Variants in FGFR2 observed in about 807,000 individuals in gnomAD.
FGFR2 encodes the protein fibroblast growth factor receptor 2, also known as BEK fibroblast growth factor receptor.
FGFR2 carries 19 observed loss-of-function variants against 95.9 expected under a neutral mutation model. That is an observed-to-expected ratio of 0.20 (90% confidence interval 0.14 to 0.29). The LOEUF is 0.29. FGFR2 is among the 10% of genes least tolerant of loss of function. FGFR2 has a pLI of 1.00. For synonymous variants in FGFR2, 392 were observed against 393.3 expected (o/e 1.00, Z 0.04); for missense variants, 707 against 1,056.9 (o/e 0.67, Z 4.59).
rs992291430 is a variant in FGFR2, at chr10:121,478,408, T to C, written c.*1449A>G. The stretch of plus-strand genomic sequence containing the variant: ...TGTAGAAACATTTTTATTGTCAGTA[T>C]AAAAATTAACAGGTTTTATTAAATA... On this transcript the variant is annotated 3_prime_UTR_variant, in exon 18 of 18. Coordinates refer to ENST00000358487, the MANE Select transcript of FGFR2 (RefSeq NM_000141.5). 3.9e-5 allele frequency: 9 copies of C among 233,354 alleles called. No homozygotes were observed. The highest frequency in any genetic ancestry group is 3.4e-4 in the Admixed American group (6 of 17,786). 14.5% of individuals were successfully genotyped at this position (233,354 alleles called of 1,614,324 possible).
chr10:121,526,037 G>A (rs779413202), intron 6 of FGFR2: 14 of 395,466 alleles, frequency 3.5e-5, no homozygotes, highest in East Asian at 2.5e-4. Context: ...CGAATCACAC[G>A]GAGTTCCCAG....
At chr10:121,578,254 C>T (rs1451107771) in intron 2 of FGFR2, among the ~76,000 whole-genome samples, 1 of 151,998 alleles carries the variant, frequency 6.6e-6, no homozygotes, top group African/African-American at 2.4e-5. Flanking sequence ...CGCATTGAGG[C>T]TTGGTTGCTC....
chr10:121,559,324 A>G (rs913500345), intron 4 of FGFR2, among the ~76,000 whole-genome samples: 1 of 152,156 alleles, frequency 6.6e-6, no homozygotes, highest in Non-Finnish European at 1.5e-5. Context: ...GTGCTTCTGC[A>G]ATTTTCCCTA....
intron 6 of FGFR2, among the ~76,000 whole-genome samples, chr10:121,535,443 G>A (rs979550121): frequency 6.6e-6 from 1 of 152,140 alleles, no homozygotes; most frequent in Admixed American, 6.5e-5. Context: ...TTCATTCCAC[G>A]GCATAAGCCG....
intron 5 of FGFR2, among the ~76,000 whole-genome samples, chr10:121,548,966 G>A (rs1211127194): frequency 6.6e-6 from 1 of 151,984 alleles, no homozygotes; most frequent in Non-Finnish European, 1.5e-5. Context: ...ACTAAGAACA[G>A]AAGGACAAAT....
intron 6 of FGFR2, among the ~76,000 whole-genome samples, chr10:121,523,398 A>G (rs972684593): frequency 3.9e-5 from 6 of 152,160 alleles, no homozygotes; most frequent in Admixed American, 6.5e-5. Context: ...TGGACACCCC[A>G]GGGACCTGTC....
intron 17 of FGFR2, among the ~76,000 whole-genome samples, chr10:121,483,286 T>C (rs1337062342): frequency 1.3e-5 from 2 of 152,154 alleles, no homozygotes; most frequent in African/African-American, 2.4e-5. Flanking sequence ...TTGTATTCCA[T>C]CAAGCAAATG....
At chr10:121,586,070 T>A (rs770103197) in intron 2 of FGFR2, among the ~76,000 whole-genome samples, 2 of 152,230 alleles carry the variant, frequency 1.3e-5, no homozygotes, top group Non-Finnish European at 2.9e-5. Flanking sequence ...TACACACAGT[T>A]GGCCTTTTCA....
intron 9 of FGFR2, among the ~76,000 whole-genome samples, chr10:121,507,711 T>C (rs1467945327): frequency 6.6e-6 from 1 of 152,200 alleles, no homozygotes; most frequent in African/African-American, 2.4e-5. Flanking sequence ...TCAGTTAATG[T>C]CTGCTACCAA....
rs2134278781 is a variant in FGFR2, at chr10:121,518,628, G to A, written c.940-1165C>T. ...TCTCCCAAAGCACCAAGTCTTTTCA[G>A]CTTCTATATCCAGCTTTCTTTTTAA... On this transcript the variant is annotated intron_variant, in intron 7 of 17. Transcript: ENST00000358487. The surrounding 1 kb of genome is among the most constrained non-coding windows in gnomAD (Gnocchi z 4.0). 1 of 1,609,362 alleles carries A rather than the reference G, an allele frequency of 6.2e-7. No individual in the cohort carries two copies. Among genetic ancestry groups the A allele is most frequent in the Non-Finnish European group, 8.5e-7 (1 of 1,176,838 alleles).
chr10:121,548,133 C>T (rs751758395), intron 5 of FGFR2, among the ~76,000 whole-genome samples: 7 of 152,078 alleles, frequency 4.6e-5, no homozygotes, highest in Non-Finnish European at 1.0e-4. Context: ...GCGGGCCAAC[C>T]TCCCAGGCCG....
In FGFR2 at chr10:121,597,544, G is replaced by A. The variant is rs746829412; in HGVS notation, c.-151+418C>T. On this transcript the variant is annotated intron_variant, in intron 1 of 17. Coordinates refer to ENST00000358487, the MANE Select transcript of FGFR2 (RefSeq NM_000141.5). Reference sequence around the variant, plus strand: ...GTCTCCGCAGGGCCTGGATGGTACGGAAGTTCCCAGGACACACGGATGGGG... The same window carrying A: ...GTCTCCGCAGGGCCTGGATGGTACGAAAGTTCCCAGGACACACGGATGGGG... 5.9e-5 allele frequency among the ~76,000 whole-genome samples: 9 copies of A among 152,232 alleles called. No individual in the cohort carries two copies. In the South Asian group the frequency reaches 1.9e-3, roughly 31 times the overall value.
chr10:121,588,979 C>CATAA (rs1862232470), intron 2 of FGFR2, among the ~76,000 whole-genome samples: 1 of 152,034 alleles, frequency 6.6e-6, no homozygotes, highest in Non-Finnish European at 1.5e-5. Flanking sequence ...AAATAGAGAC[C>CATAA]ATAAGCATTT....
At position 121,531,754 on chromosome 10, in the gene FGFR2, C is replaced by A. The variant is rs1477527311; in HGVS notation, c.748+6838G>T. Among the ~76,000 whole-genome samples the A allele has an allele frequency of 1.3e-5, 2 of 152,268 alleles. No individual in the cohort carries two copies. The highest frequency in any genetic ancestry group is 2.1e-4 in the South Asian group (1 of 4,820). ...GCAAGGGTGGAAACAGAACTTGACA[C>A]CCCTCTCCACGTAATTTCCACCTGA... is the stretch of plus-strand genomic sequence containing the variant. On this transcript the variant is annotated intron_variant, in intron 6 of 17. Coordinates refer to ENST00000358487, the MANE Select transcript of FGFR2 (RefSeq NM_000141.5). This position sits in a 1 kb window ranked among gnomAD's most constrained non-coding sequence, Gnocchi z 4.5.
intron 16 of FGFR2, among the ~76,000 whole-genome samples, chr10:121,484,513 G>T (rs187240355): frequency 1.1e-4 from 16 of 152,244 alleles, no homozygotes; most frequent in African/African-American, 3.9e-4. Context: ...GACATCCACG[G>T]TACACCGAAA....
Position 121,577,178 on chromosome 10 carries a change from T to TATATATAGAGAGAG in FGFR2, c.110-11475_110-11474insCTCTCTCTATATAT. Among the ~76,000 whole-genome samples, 33 of 5,210 alleles carry TATATATAGAGAGAG rather than the reference T, an allele frequency of 6.3e-3. 1 individual carries two copies. Among genetic ancestry groups the TATATATAGAGAGAG allele is most frequent in the Admixed American group, 9.7e-3 (2 of 206 alleles). The allele number at this position is 5,210 out of a possible 152,430, so 3.4% of individuals were successfully genotyped here. On this transcript the variant is annotated intron_variant, in intron 2 of 17. Transcript: ENST00000358487. The stretch of plus-strand genomic sequence containing the variant: ...AAAAAAATATATATATATATATATA[T>TATATATAGAGAGAG]AGAGAGAGAGAGAGAGAGAGAGAGA...
Position 121,598,323 on chromosome 10 carries a change from G to T in FGFR2, c.-512C>A. On this transcript the variant is annotated 5_prime_UTR_variant, in exon 1 of 18. Coordinates refer to ENST00000358487, the MANE Select transcript of FGFR2 (RefSeq NM_000141.5). ...GCCCCCGCCAGCCCGGAGAGCAGTC[G>T]CCGCGCCGGGCCAGGTACGCCGCAT... 1 of 317,638 alleles carries T rather than the reference G, an allele frequency of 3.1e-6. No individual in the cohort carries two copies. Among genetic ancestry groups the T allele is most frequent in the Non-Finnish European group, 5.7e-6 (1 of 174,140 alleles). 19.7% of individuals were successfully genotyped at this position (317,638 alleles called of 1,614,324 possible).
intron 8 of FGFR2, among the ~76,000 whole-genome samples, chr10:121,515,768 A>G (rs1044211066): frequency 6.6e-5 from 10 of 151,320 alleles, no homozygotes; most frequent in Non-Finnish European, 1.3e-4. Context: ...AGGCTCTTCC[A>G]AAGGAAGACT....
At chr10:121,537,628 T>C (rs769016075) in intron 6 of FGFR2, among the ~76,000 whole-genome samples, 7 of 152,164 alleles carry the variant, frequency 4.6e-5, no homozygotes, top group Admixed American at 1.3e-4. Context: ...GCTTGTGGAA[T>C]TACCAACAGT....
Sources: gnomAD v4.1 joint callset for allele counts (sites outside exome capture counted in the v4.1 genomes callset) on GRCh38, gnomAD v4.1.1 for gene constraint, Gnocchi (gnomAD v3.1) non-coding constraint, MANE v1.5 for transcripts, NCBI Gene and HGNC (gene_info 2026-07-23, HGNC 2026-07-21) for gene names.